SLC5A8: variants seen among roughly 807,000 people sequenced by gnomAD.
SLC5A8 encodes solute carrier family 5 member 8.
A neutral mutation model predicts 71.9 loss-of-function variants in SLC5A8; 55 were observed. The ratio of observed to expected loss-of-function variants is 0.77; its 90% CI spans 0.62 to 0.96. The LOEUF (loss-of-function observed/expected upper bound fraction) is 0.96, where lower values mean the gene tolerates loss of function less well. SLC5A8 is among the 40% of genes least tolerant of loss of function. The pLI is 0.00. For missense variants in SLC5A8, 701 were observed against 745.3 expected (o/e 0.94, Z 0.69); for synonymous variants, 307 against 276.1 (o/e 1.11, Z -1.11).
Position 101,156,579 on chromosome 12 carries a change from C to T in SLC5A8, c.*700G>A, listed in dbSNP as rs2051664359. Reference sequence around the variant, plus strand: ...AAACTGGGCATGCAGATAAAAATTACAGTCTAAGAAAGGCAGTATCAGCAG... The same window carrying T: ...AAACTGGGCATGCAGATAAAAATTATAGTCTAAGAAAGGCAGTATCAGCAG... On this transcript the variant is annotated 3_prime_UTR_variant, in exon 15 of 15. Coordinates refer to ENST00000536262, the MANE Select transcript of SLC5A8 (RefSeq NM_145913.5). 6.6e-6 allele frequency: 1 copy of T among 152,156 alleles called. No homozygotes were observed. Among genetic ancestry groups the T allele is most frequent in the South Asian group, 2.1e-4 (1 of 4,832 alleles). 9.4% of individuals were successfully genotyped at this position (152,156 alleles called of 1,614,324 possible). A position where few individuals can be genotyped will look rare whatever the true frequency, so the allele number is the denominator to read the frequency against.
chr12:101,177,490 C>T (rs1444580568), intron 10 of SLC5A8, among the ~76,000 whole-genome samples: 1 of 151,052 alleles, frequency 6.6e-6, no homozygotes, highest in East Asian at 1.9e-4. Context: ...CATGCATGCA[C>T]ACACACACAC....
At chr12:101,186,620 G>T (rs1868656260) in intron 7 of SLC5A8, among the ~76,000 whole-genome samples, 3 of 152,170 alleles carry the variant, frequency 2.0e-5, no homozygotes, top group South Asian at 4.1e-4. Context: ...CCTGGCTCCA[G>T]GTTACTAGCT....
rs923298457 is a variant in SLC5A8 at position 101,156,878 on chromosome 12, T to A, written c.*401A>T. The A allele has an allele frequency of 6.0e-6, 1 of 167,012 alleles. No individual in the cohort carries two copies. The highest frequency in any genetic ancestry group is 1.3e-5 in the Non-Finnish European group (1 of 76,686). 10.3% of individuals were successfully genotyped at this position (167,012 alleles called of 1,614,324 possible). A position where few individuals can be genotyped will look rare whatever the true frequency, so the allele number is the denominator to read the frequency against. On this transcript the variant is annotated 3_prime_UTR_variant, in exon 15 of 15. Coordinates refer to ENST00000536262, the MANE Select transcript of SLC5A8 (RefSeq NM_145913.5). The stretch of plus-strand genomic sequence containing the variant: ...GGAAAAAAGCTCTTTTCAAGATGAA[T>A]TGTGATGTTGGCAAACTTCCAAACT...
rs117927891 is a variant in SLC5A8, at chr12:101,209,746, C to A, written c.103G>T (p.Ala35Ser). The A allele has an allele frequency of 0.012, 19,491 of 1,612,542 alleles. 195 individuals carry two copies. Among genetic ancestry groups the A allele is most frequent in the South Asian group, 0.027 (2,492 of 91,058 alleles). Residue 35 changes from alanine to serine, a missense_variant, in exon 1 of 15, where the codon GCT (alanine) becomes TCT (serine). Coordinates refer to ENST00000536262, the MANE Select transcript of SLC5A8 (RefSeq NM_145913.5). The part of the protein sequence containing the change: ...SAAIGIYYAF[A>S]GGGQQTSKDF... Reference sequence around the variant, plus strand: ...TTGGAGGTCTGCTGGCCGCCCCCAGCGAAGGCGTAGTAGATGCCGATGGCG... The same window carrying A: ...TTGGAGGTCTGCTGGCCGCCCCCAGAGAAGGCGTAGTAGATGCCGATGGCG...
chr12:101,172,695 C>G (rs934171946), intron 10 of SLC5A8, among the ~76,000 whole-genome samples: 1 of 152,124 alleles, frequency 6.6e-6, no homozygotes, highest in South Asian at 2.1e-4. Context: ...GCTAGGGACC[C>G]TGGACCTGAA....
chr12:101,201,039 G>T (rs1869437633), intron 3 of SLC5A8, among the ~76,000 whole-genome samples: 1 of 152,152 alleles, frequency 6.6e-6, no homozygotes, highest in Non-Finnish European at 1.5e-5. Flanking sequence ...TACTCTCAGG[G>T]AGTGGTTTGA....
intron 10 of SLC5A8, among the ~76,000 whole-genome samples, chr12:101,177,778 A>T (rs1293937468): frequency 6.6e-6 from 1 of 152,144 alleles, no homozygotes. Context: ...AGAAAAAAAT[A>T]GGAATAGAGA....
chr12:101,202,265 T>G, intron 2 of SLC5A8, 50 bp from the exon 3 acceptor site: 2 of 1,445,286 alleles, frequency 1.4e-6, no homozygotes. Context: ...ATAAAATTCA[T>G]GAATTACGTC....
rs917971428 is a variant in SLC5A8 at position 101,156,014 on chromosome 12, A to G, written c.*1265T>C. 1 of 152,190 alleles carries G rather than the reference A, an allele frequency of 6.6e-6. No individual in the cohort carries two copies. The highest frequency in any genetic ancestry group is 2.4e-5 in the African/African-American group (1 of 41,446). The allele number at this position is 152,190 out of a possible 1,614,324, so 9.4% of individuals were successfully genotyped here. ...ATCTAATGTGGGAACTGTACAAAAA[A>G]TAAGTTATTGATGAACTCCTATAAC... On this transcript the variant is annotated 3_prime_UTR_variant, in exon 15 of 15. Coordinates refer to ENST00000536262, the MANE Select transcript of SLC5A8 (RefSeq NM_145913.5).
chr12:101,202,552 AT>A (rs779326622), intron 2 of SLC5A8, among the ~76,000 whole-genome samples: 7 of 151,952 alleles, frequency 4.6e-5, no homozygotes, highest in South Asian at 2.1e-4. Context: ...TTAGAAAAAA[AT>A]AAATAATAAT....
intron 3 of SLC5A8, chr12:101,199,393 A>C (rs1424658079): frequency 6.6e-6 from 1 of 152,000 alleles, no homozygotes; most frequent in African/African-American, 2.4e-5. Context: ...GAAATTTTTA[A>C]AGGCCTAGGT....
At chr12:101,163,561 C>G (rs930954192) in intron 12 of SLC5A8, among the ~76,000 whole-genome samples, 4 of 152,148 alleles carry the variant, frequency 2.6e-5, no homozygotes, top group African/African-American at 9.7e-5. Context: ...TGCCTGTAAT[C>G]CCAGCTACTT....
At position 101,157,056 on chromosome 12, in the gene SLC5A8, A is replaced by G; in HGVS notation, c.*223T>C. 1 of 475,392 alleles carries G rather than the reference A, an allele frequency of 2.1e-6. No homozygotes were observed. The highest frequency in any genetic ancestry group is 3.7e-6 in the Non-Finnish European group (1 of 271,596). 29.4% of individuals were successfully genotyped at this position (475,392 alleles called of 1,614,324 possible). On this transcript the variant is annotated 3_prime_UTR_variant, in exon 15 of 15. Coordinates refer to ENST00000536262, the MANE Select transcript of SLC5A8 (RefSeq NM_145913.5). ...CACAATTATAGCTTCATCGAAATAA[A>G]GGAAAGAGAGGGAAATGTCAATGCC... is the stretch of plus-strand genomic sequence containing the variant.
chr12:101,163,658 C>T (rs2051742840), intron 12 of SLC5A8, among the ~76,000 whole-genome samples: 1 of 151,996 alleles, frequency 6.6e-6, no homozygotes, highest in African/African-American at 2.4e-5. Flanking sequence ...GACTCCGTCT[C>T]AAACAAAAAC....
intron 2 of SLC5A8, among the ~76,000 whole-genome samples, chr12:101,203,637 G>A (rs367988607): frequency 1.5e-3 from 226 of 152,310 alleles, no homozygotes; most frequent in African/African-American, 5.2e-3. Context: ...ATGAGCCACC[G>A]CGGCTGGCCC....
chr12:101,208,435 G>T (rs780382528), intron 1 of SLC5A8, among the ~76,000 whole-genome samples: 5 of 152,158 alleles, frequency 3.3e-5, no homozygotes, highest in Non-Finnish European at 7.4e-5. Flanking sequence ...GGAAACTTCT[G>T]CAGGCTTGTC....
chr12:101,185,412 C>G (rs538711383), intron 7 of SLC5A8, among the ~76,000 whole-genome samples: 1 of 152,092 alleles, frequency 6.6e-6, no homozygotes, highest in Admixed American at 6.5e-5. Flanking sequence ...GTAATTATTT[C>G]GTATCTGAGT....
At position 101,195,905 on chromosome 12, in the gene SLC5A8, C is replaced by T. The variant is rs185816626; in HGVS notation, c.470-743G>A. ...TAGAGACGGGTTTCACCATGTTGGA[C>T]AGGATGGTCTCAATCGCCTGACTTC... is the stretch of plus-strand genomic sequence containing the variant. On this transcript the variant is annotated intron_variant, in intron 3 of 14. Coordinates refer to ENST00000536262, the MANE Select transcript of SLC5A8 (RefSeq NM_145913.5). Among the ~76,000 whole-genome samples the T allele has an allele frequency of 3.1e-3, 470 of 152,134 alleles. 1 individual carries two copies. Among genetic ancestry groups the T allele is most frequent in the Non-Finnish European group, 5.3e-3 (361 of 68,004 alleles).
At chr12:101,205,836 T>G (rs1242740207) in intron 1 of SLC5A8, among the ~76,000 whole-genome samples, 1 of 152,210 alleles carries the variant, frequency 6.6e-6, no homozygotes, top group Non-Finnish European at 1.5e-5. Context: ...TCTGCATATA[T>G]AAGTAAATAA....
Sources: allele counts gnomAD v4.1 joint callset (sites outside exome capture counted in the v4.1 genomes callset), GRCh38; gene constraint gnomAD v4.1.1; transcripts MANE v1.5; gene names NCBI Gene and HGNC (gene_info 2026-07-23, HGNC 2026-07-21).